The following AFF2 variants were observed in gnomAD, a reference collection of about 807,000 sequenced individuals.
The protein encoded by AFF2 is ALF transcription elongation factor 2.
Under a neutral mutation model 76.9 loss-of-function variants are expected in AFF2, and 14 were observed. The observed-to-expected ratio is 0.18, with a 90% CI of 0.12 to 0.28. AFF2 has a LOEUF of 0.28. Among genes scored for constraint, AFF2 ranks in the 10% least tolerant of loss-of-function variants. AFF2 has a pLI of 1.00. For synonymous variants in AFF2, 398 were observed against 366.7 expected, an observed-to-expected ratio of 1.09 and a Z score of -0.98; for missense variants, 868 against 1,001.1, an observed-to-expected ratio of 0.87 and a Z score of 1.79.
chrX:148,559,359 T>C (rs1557240127), intron 1 of AFF2, among the ~76,000 whole-genome samples: 1 of 110,729 alleles, frequency 9.0e-6, no homozygotes, highest in East Asian at 2.9e-4. Flanking sequence ...GCCATGGTGG[T>C]GGTTTGCTGC....
At chrX:148,555,287 T>C (rs1407314018) in intron 1 of AFF2, among the ~76,000 whole-genome samples, 1 of 111,933 alleles carries the variant, frequency 8.9e-6, no homozygotes, top group Admixed American at 9.5e-5. Flanking sequence ...TCTGATCCCA[T>C]TGTTGTTGCA....
chrX:148,629,338 T>C (rs1219210971), intron 1 of AFF2, among the ~76,000 whole-genome samples: 2 of 111,926 alleles, frequency 1.8e-5, no homozygotes, highest in East Asian at 5.6e-4. Flanking sequence ...TGCTTTCAAG[T>C]GGCAAATTGT....
At chrX:148,730,646 CA>C (rs2055209950) in intron 3 of AFF2, among the ~76,000 whole-genome samples, 1 of 112,827 alleles carries the variant, frequency 8.9e-6, no homozygotes, top group South Asian at 3.6e-4. Context: ...CTATGTTTTT[CA>C]GAACATCTGG....
chrX:148,783,839 A>G (rs975735328), intron 3 of AFF2, among the ~76,000 whole-genome samples: 10 of 111,508 alleles, frequency 9.0e-5, no homozygotes, highest in African/African-American at 3.3e-4. Flanking sequence ...GAGACAGAAC[A>G]CTTCTCTTAA....
chrX:148,717,938 C>T (rs1487866572), intron 3 of AFF2, among the ~76,000 whole-genome samples: 2 of 111,008 alleles, frequency 1.8e-5, no homozygotes, highest in Admixed American at 1.9e-4. Context: ...AGAAAAATCA[C>T]TCCAGATACT....
chrX:148,786,081 C>A (rs1557269498), intron 3 of AFF2, among the ~76,000 whole-genome samples: 1 of 111,686 alleles, frequency 9.0e-6, no homozygotes, highest in Non-Finnish European at 1.9e-5. Flanking sequence ...CCATGCCTAG[C>A]CCATATTAAG....
At chrX:148,791,369 T>G (rs782320911) in intron 3 of AFF2, among the ~76,000 whole-genome samples, 6 of 111,372 alleles carry the variant, frequency 5.4e-5, no homozygotes, top group Non-Finnish European at 1.1e-4. Flanking sequence ...TCAGATCTCA[T>G]GAGACTTATT....
chrX:148,756,091 CTCTT>C (rs1232386879), intron 3 of AFF2, among the ~76,000 whole-genome samples: 20 of 112,345 alleles, frequency 1.8e-4, no homozygotes, highest in African/African-American at 6.5e-4. Flanking sequence ...CAGGAACTGT[CTCTT>C]TCTAGCTGTA....
At chrX:148,887,352 G>A (rs113306294) in intron 8 of AFF2, among the ~76,000 whole-genome samples, 1,534 of 111,793 alleles carry the variant, frequency 0.014, 30 homozygotes, top group African/African-American at 0.047. Context: ...TACGCCAATA[G>A]CAGGAGCATC....
chrX:148,718,633 A>G (rs942447197), intron 3 of AFF2, among the ~76,000 whole-genome samples: 2 of 112,217 alleles, frequency 1.8e-5, no homozygotes, highest in Non-Finnish European at 1.9e-5. Flanking sequence ...TTAGTCTTCA[A>G]ACATAAAAGC....
intron 1 of AFF2, among the ~76,000 whole-genome samples, chrX:148,503,839 A>G (rs1236386327): frequency 8.9e-6 from 1 of 111,828 alleles, no homozygotes; most frequent in Admixed American, 9.4e-5. Flanking sequence ...ACAAACTGCA[A>G]GAATAACTTA....
chrX:148,856,503 T>C (rs2070787676), intron 7 of AFF2, among the ~76,000 whole-genome samples: 1 of 111,365 alleles, frequency 9.0e-6, no homozygotes, highest in Non-Finnish European at 1.9e-5. Flanking sequence ...CCCTCCTGCC[T>C]ACCCATGGAC....
intron 9 of AFF2, among the ~76,000 whole-genome samples, chrX:148,939,287 A>T (rs868920551): frequency 1.8e-5 from 2 of 112,143 alleles, no homozygotes; most frequent in Non-Finnish European, 3.8e-5. Context: ...CTGGAAGCCT[A>T]TCAGTTTTCA....
chrX:148,945,793 G>T (rs1388460665), intron 9 of AFF2, among the ~76,000 whole-genome samples: 1 of 112,242 alleles, frequency 8.9e-6, no homozygotes, highest in East Asian at 2.8e-4. Flanking sequence ...CTAGCCTAAG[G>T]TCATACACTG....
intron 1 of AFF2, among the ~76,000 whole-genome samples, chrX:148,508,359 A>AATGGTTTC (rs1603224666): frequency 8.9e-6 from 1 of 112,106 alleles, no homozygotes; most frequent in African/African-American, 3.2e-5. Context: ...ATAGCTTTGA[A>AATGGTTTC]ATGGTTTCTT....
chrX:148,657,463 T>C (rs1299446366), intron 2 of AFF2, among the ~76,000 whole-genome samples: 1 of 112,374 alleles, frequency 8.9e-6, no homozygotes, highest in Non-Finnish European at 1.9e-5. Flanking sequence ...AGAAATACTA[T>C]GGTACAATAG....
At chrX:148,939,939 A>G (rs1326188880) in intron 9 of AFF2, among the ~76,000 whole-genome samples, 12 of 112,289 alleles carry the variant, frequency 1.1e-4, no homozygotes, top group African/African-American at 3.2e-4. Flanking sequence ...AGGCACAGTT[A>G]CCTGAAATGA....
intron 1 of AFF2, among the ~76,000 whole-genome samples, chrX:148,532,198 A>G (rs1204593405): frequency 8.9e-6 from 1 of 112,356 alleles, no homozygotes; most frequent in African/African-American, 3.2e-5. Context: ...TTTAGATTCC[A>G]ATAAACCATA....
intron 1 of AFF2, among the ~76,000 whole-genome samples, chrX:148,514,029 A>T (rs1431798444): frequency 2.7e-5 from 3 of 111,835 alleles, no homozygotes; most frequent in African/African-American, 9.7e-5. Flanking sequence ...TAATTAATTA[A>T]TTATTTGCCA....
Sources: allele counts gnomAD v4.1 joint callset (sites outside exome capture counted in the v4.1 genomes callset), GRCh38; gene constraint gnomAD v4.1.1; transcripts MANE v1.5; gene names NCBI Gene and HGNC (gene_info 2026-07-23, HGNC 2026-07-21).